BLTP3A: variants seen among roughly 807,000 people sequenced by gnomAD.
The protein encoded by BLTP3A is bridge-like lipid transfer protein family member 3A.
the BLTP3A span, among the ~76,000 whole-genome samples, chr6:34,793,969 CA>C: frequency 1.3e-5 from 2 of 151,320 alleles, no homozygotes; most frequent in African/African-American, 4.9e-5. Flanking sequence ...TTGTCCAGCC[CA>C]GCCAACATGA....
At chr6:34,861,909 A>G in the BLTP3A span, among the ~76,000 whole-genome samples, 1 of 152,154 alleles carries the variant, frequency 6.6e-6, no homozygotes, top group Non-Finnish European at 1.5e-5. Flanking sequence ...TAATTGCTCC[A>G]TTATATTCTA....
At chr6:34,867,336 A>G in the BLTP3A span, 2 of 1,614,054 alleles carry the variant, frequency 1.2e-6, no homozygotes, top group Non-Finnish European at 1.7e-6. Context: ...CCAGCAGCCA[A>G]CAGTTCAGTT....
the BLTP3A span, chr6:34,855,494 G>T: frequency 9.1e-7 from 1 of 1,102,062 alleles, no homozygotes; most frequent in Non-Finnish European, 1.3e-6. Context: ...CTGGCCTTTT[G>T]GCTGCACCGT....
At chr6:34,852,208 C>G in the BLTP3A span, among the ~76,000 whole-genome samples, 2 of 152,122 alleles carry the variant, frequency 1.3e-5, no homozygotes, top group Non-Finnish European at 2.9e-5. Context: ...TCCTTGTGGT[C>G]ACCACAGGTA....
the BLTP3A span, chr6:34,864,335 G>C: frequency 3.2e-6 from 3 of 942,450 alleles, no homozygotes; most frequent in South Asian, 6.8e-5. Context: ...CAAAAAAAGA[G>C]AGACAGAGAA....
At chr6:34,793,266 C>T in the BLTP3A span, among the ~76,000 whole-genome samples, 1 of 152,206 alleles carries the variant, frequency 6.6e-6, no homozygotes, top group East Asian at 1.9e-4. Context: ...CTAGGTTTCA[C>T]TTAGTTTTCA....
chr6:34,828,443 T>C, the BLTP3A span, among the ~76,000 whole-genome samples: 5 of 137,558 alleles, frequency 3.6e-5, no homozygotes, highest in Non-Finnish European at 7.7e-5. Context: ...AGAGCAAGAC[T>C]CCATCTCAAA....
chr6:34,814,505 C>T, the BLTP3A span, among the ~76,000 whole-genome samples: 1 of 152,132 alleles, frequency 6.6e-6, no homozygotes, highest in Non-Finnish European at 1.5e-5. Context: ...ACAGGAGGAC[C>T]GCTCATGGTG....
the BLTP3A span, among the ~76,000 whole-genome samples, chr6:34,835,957 A>G: frequency 1.3e-5 from 2 of 152,202 alleles, no homozygotes; most frequent in Non-Finnish European, 2.9e-5. Context: ...CAGTTATTAG[A>G]CTAATTATAA....
the BLTP3A span, among the ~76,000 whole-genome samples, chr6:34,801,742 G>C: frequency 6.6e-6 from 1 of 150,908 alleles, no homozygotes; most frequent in Non-Finnish European, 1.5e-5. Context: ...TATTTTTTGA[G>C]ACGGAGTCTC....
the BLTP3A span, chr6:34,834,512 C>A: frequency 6.8e-7 from 1 of 1,479,002 alleles, no homozygotes; most frequent in South Asian, 1.3e-5. Context: ...AAATGTTCCC[C>A]ATTCCTGGGA....
chr6:34,803,117 A>G, the BLTP3A span, among the ~76,000 whole-genome samples: 1 of 151,978 alleles, frequency 6.6e-6, no homozygotes, highest in South Asian at 2.1e-4. Flanking sequence ...CCGGGAGGTC[A>G]AGGTTGCAGT....
the BLTP3A span, among the ~76,000 whole-genome samples, chr6:34,807,300 C>T: frequency 8.7e-5 from 13 of 149,478 alleles, no homozygotes; most frequent in African/African-American, 3.2e-4. Flanking sequence ...ACCGTGGGAG[C>T]TGAATGGTCA....
chr6:34,872,574 G>T, the BLTP3A span: 21 of 1,130,118 alleles, frequency 1.9e-5, no homozygotes, highest in Middle Eastern at 2.7e-4. Flanking sequence ...CACTTCACTT[G>T]TGTGGGTGTG....
the BLTP3A span, chr6:34,857,520 T>C: frequency 3.6e-5 from 57 of 1,593,410 alleles, no homozygotes; most frequent in South Asian, 5.8e-4. Context: ...CTTTTCCCAT[T>C]TGTCAGCCTT....
the BLTP3A span, among the ~76,000 whole-genome samples, chr6:34,868,290 G>C: frequency 6.6e-6 from 1 of 150,644 alleles, no homozygotes; most frequent in Non-Finnish European, 1.5e-5. Context: ...TGGGTGACAA[G>C]AGTGAAACTC....
chr6:34,860,890 C>G, the BLTP3A span, among the ~76,000 whole-genome samples: 1 of 152,186 alleles, frequency 6.6e-6, no homozygotes, highest in East Asian at 1.9e-4. Context: ...TTTAAAACAT[C>G]AACAGTGACT....
At chr6:34,871,484 C>A in the BLTP3A span, 1 of 1,166,884 alleles carries the variant, frequency 8.6e-7, no homozygotes, top group Non-Finnish European at 1.3e-6. Context: ...TATGGACAAA[C>A]TGGCATAAAG....
the BLTP3A span, among the ~76,000 whole-genome samples, chr6:34,798,230 C>A: frequency 4.9e-4 from 75 of 152,242 alleles, no homozygotes; most frequent in African/African-American, 1.7e-3. Flanking sequence ...GTTGTAGATT[C>A]TTTTTCATTG....
Sources: allele counts gnomAD v4.1 joint callset (sites outside exome capture counted in the v4.1 genomes callset), GRCh38; gene constraint gnomAD v4.1.1; transcripts MANE v1.5; gene names NCBI Gene and HGNC (gene_info 2026-07-23, HGNC 2026-07-21).